Variants in SMG7 observed in about 807,000 individuals in gnomAD.
SMG7 encodes nonsense-mediated mRNA decay factor SMG7.
Under a neutral mutation model 148.2 loss-of-function variants are expected in SMG7, and 34 were observed. The observed-to-expected ratio is 0.23, with a 90% CI of 0.17 to 0.31. SMG7 has a LOEUF of 0.31. SMG7 is among the 10% of genes least tolerant of loss of function. SMG7 has a pLI of 1.00. For synonymous variants in SMG7, 492 were observed against 515.1 expected, an observed-to-expected ratio of 0.96 and a Z score of 0.61; for missense variants, 1,114 against 1,408.4, an observed-to-expected ratio of 0.79 and a Z score of 3.35.
At chr1:183,473,669 C>G in intron 1 of SMG7, 1 of 836,152 alleles carries the variant, frequency 1.2e-6, no homozygotes, top group Non-Finnish European at 1.4e-6. Flanking sequence ...TGGGGAGTGA[C>G]TACTGCTTAG....
chr1:183,526,863 A>T (rs751359714), intron 5 of SMG7, 96 bp downstream of exon 5: 1 of 951,824 alleles, frequency 1.1e-6, no homozygotes, highest in Non-Finnish European at 1.5e-6. Flanking sequence ...GAGCATACAC[A>T]CACAATTTAG....
At chr1:183,477,646 A>G (rs1471808037) in intron 1 of SMG7, among the ~76,000 whole-genome samples, 8 of 129,114 alleles carry the variant, frequency 6.2e-5, no homozygotes, top group African/African-American at 2.4e-4. Flanking sequence ...ATGCATATAT[A>G]CGTGTGTGCA....
chr1:183,494,629 G>T, intron 1 of SMG7, among the ~76,000 whole-genome samples: 1 of 149,404 alleles, frequency 6.7e-6, no homozygotes, highest in Non-Finnish European at 1.5e-5. Context: ...TTCACCTTTG[G>T]TTTTAAAGAA....
At chr1:183,477,167 A>T (rs1652421869) in intron 1 of SMG7, among the ~76,000 whole-genome samples, 1 of 152,174 alleles carries the variant, frequency 6.6e-6, no homozygotes, top group Admixed American at 6.5e-5. Context: ...AAACAGGTCA[A>T]ATCCTGTTAT....
intron 1 of SMG7, among the ~76,000 whole-genome samples, chr1:183,505,629 A>G (rs1660728164): frequency 6.6e-6 from 1 of 152,222 alleles, no homozygotes; most frequent in African/African-American, 2.4e-5. Context: ...CTGCTTACGC[A>G]TTCATTAATT....
Position 183,496,672 on chromosome 1 carries a change from T to C in SMG7, c.30-16165T>C, listed in dbSNP as rs577921003. Among the ~76,000 whole-genome samples the C allele has an allele frequency of 9.8e-5, 15 of 152,340 alleles. No individual in the cohort carries two copies. In the South Asian group the frequency reaches 2.7e-3, roughly 27 times the overall value. On this transcript the variant is annotated intron_variant, in intron 1 of 22. Coordinates refer to ENST00000688051, the MANE Select transcript of SMG7 (RefSeq NM_001375584.1). ...GTTTGACAAATTTACCTCCTACTTC[T>C]CTGGCCACTTGTTCTCAATCTGTTT...
At position 183,527,543 on chromosome 1, in the gene SMG7, C is replaced by T. The variant is rs377708582; in HGVS notation, c.485-413C>T. 2.2e-6 allele frequency: 1 copy of T among 447,294 alleles called. No individual in the cohort carries two copies. Among genetic ancestry groups the T allele is most frequent in the East Asian group, 7.1e-5 (1 of 14,066 alleles). The allele number at this position is 447,294 out of a possible 1,614,324, so 27.7% of individuals were successfully genotyped here. A position where few individuals can be genotyped will look rare whatever the true frequency, so the allele number is the denominator to read the frequency against. ...ATTGCAATAGGAATGAGACATTTTT[C>T]AAAATCACTTTATAAAATATTGAAA... On this transcript the variant is annotated intron_variant, in intron 5 of 22. Transcript: ENST00000688051. This position sits in a 1 kb window ranked among gnomAD's most constrained non-coding sequence, Gnocchi z 4.0.
intron 8 of SMG7, among the ~76,000 whole-genome samples, chr1:183,530,425 A>G (rs930698777): frequency 4.6e-5 from 7 of 152,166 alleles, no homozygotes; most frequent in African/African-American, 1.2e-4. Flanking sequence ...GCAAGATATT[A>G]GAATAGATAA....
At chr1:183,539,406 A>G (rs1668389711) in intron 12 of SMG7, among the ~76,000 whole-genome samples, 1 of 152,112 alleles carries the variant, frequency 6.6e-6, no homozygotes. Context: ...TTTAAACTAC[A>G]TGCCTCTGAA....
chr1:183,490,920 G>C (rs868533546), intron 1 of SMG7, among the ~76,000 whole-genome samples: 1 of 152,086 alleles, frequency 6.6e-6, no homozygotes, highest in Non-Finnish European at 1.5e-5. Context: ...TAAGTAGCTG[G>C]GATTACAGGC....
intron 14 of SMG7, among the ~76,000 whole-genome samples, chr1:183,542,925 A>G (rs918878963): frequency 5.2e-4 from 73 of 141,642 alleles, no homozygotes; most frequent in East Asian, 1.4e-3. Flanking sequence ...TAATATATAT[A>G]TATGTGTGTG....
In SMG7 at chr1:183,549,308, T is replaced by C; in HGVS notation, c.2973+20T>C. ...AATCAGGTAGGTGAACAATGAAGAA[T>C]CCTGCTGTGTGCTTTTAGTGTAGAC... On this transcript the variant is annotated intron_variant, in intron 19 of 22. Coordinates refer to ENST00000688051, the MANE Select transcript of SMG7 (RefSeq NM_001375584.1). 6.5e-7 allele frequency: 1 copy of C among 1,537,262 alleles called. No homozygotes were observed. The highest frequency in any genetic ancestry group is 1.1e-5 in the South Asian group (1 of 89,542).
chr1:183,544,050 A>G (rs1037632640), intron 14 of SMG7, among the ~76,000 whole-genome samples: 1 of 152,180 alleles, frequency 6.6e-6, no homozygotes, highest in Non-Finnish European at 1.5e-5. Context: ...GTTTTTTTCA[A>G]CTTGTTAGCA....
intron 1 of SMG7, among the ~76,000 whole-genome samples, chr1:183,509,142 T>TG (rs1313560200): frequency 6.6e-6 from 1 of 152,162 alleles, no homozygotes; most frequent in Non-Finnish European, 1.5e-5. Flanking sequence ...TGAATGTGTG[T>TG]GGCTGTGTTC....
At chr1:183,503,996 A>G (rs1263867154) in intron 1 of SMG7, among the ~76,000 whole-genome samples, 1 of 152,116 alleles carries the variant, frequency 6.6e-6, no homozygotes, top group Admixed American at 6.5e-5. Context: ...AAATTCAACA[A>G]TTTTTAGTGA....
In SMG7 at chr1:183,536,203, C is replaced by T. The variant is rs1186647261; in HGVS notation, c.1164-942C>T. The stretch of plus-strand genomic sequence containing the variant: ...GGAGAATGTGATTAGACAGATGAGT[C>T]TACTGTAGGAAAATCAAAGTAATTG... On this transcript the variant is annotated intron_variant, in intron 10 of 22. Transcript: ENST00000688051. Among the ~76,000 whole-genome samples, 5 of 152,080 alleles carry T rather than the reference C, an allele frequency of 3.3e-5. No homozygotes were observed. The South Asian group carries it at 1.0e-3, about 32-fold the overall frequency.
intron 9 of SMG7, 97 bp from the exon 10 acceptor site, chr1:183,533,579 G>C: frequency 9.5e-7 from 1 of 1,051,844 alleles, no homozygotes; most frequent in Non-Finnish European, 1.4e-6. Context: ...AGATACTCAA[G>C]TGTTAAACAG....
At chr1:183,477,127 G>A (rs899313136) in intron 1 of SMG7, among the ~76,000 whole-genome samples, 14 of 152,146 alleles carry the variant, frequency 9.2e-5, no homozygotes, top group African/African-American at 1.7e-4. Context: ...TGAGAAAGTA[G>A]AATAATCATA....
rs754301984 is a variant in SMG7 at position 183,549,836 on chromosome 1, C to G, written c.3046C>G (p.Leu1016Val). 1.9e-6 allele frequency: 3 copies of G among 1,613,676 alleles called. No homozygotes were observed. The highest frequency in any genetic ancestry group is 2.5e-6 in the Non-Finnish European group (3 of 1,179,612). The change falls in exon 20 of 23, where the codon CTC (leucine) becomes GTC (valine). Residue 1016 changes from leucine to valine, a missense_variant. Around this residue, in one of 4 missense-constraint regions of SMG7, gnomAD observed 788 missense variants for 894.5 expected, o/e 0.88. Transcript: ENST00000688051. ...KNLTSSSKAE[L>V]SPSMAPQETS... ...CCTGACATCCAGCTCCAAAGCAGAACTCAGTCCCTCAATGGCCCCCCAGGA... is the reference window on the plus strand; with the variant it reads ...CCTGACATCCAGCTCCAAAGCAGAAGTCAGTCCCTCAATGGCCCCCCAGGA...
Sources: allele counts gnomAD v4.1 joint callset (sites outside exome capture counted in the v4.1 genomes callset), GRCh38; gene constraint gnomAD v4.1.1; regional missense constraint gnomAD v4.1.1; non-coding constraint Gnocchi (gnomAD v3.1); transcripts MANE v1.5; gene names NCBI Gene and HGNC (gene_info 2026-07-23, HGNC 2026-07-21).